Variants in FANCM observed in about 807,000 individuals in gnomAD.
The protein encoded by FANCM is FA complementation group M, also known as Fanconi anemia group M protein.
Under a neutral mutation model 199.5 loss-of-function variants are expected in FANCM, and 140 were observed. The observed-to-expected ratio is 0.70, with a 90% CI of 0.61 to 0.81. The LOEUF (loss-of-function observed/expected upper bound fraction) is 0.81, where lower values mean the gene tolerates loss of function less well. Among genes scored for constraint, FANCM ranks in the 30% least tolerant of loss-of-function variants. The probability of loss-of-function intolerance (pLI) is 0.00; values close to 1 mark genes in which losing one functional copy is unlikely to be tolerated. For missense variants in FANCM, 2,410 were observed against 2,421.4 expected (o/e 1.00, Z 0.10); for synonymous variants, 840 against 836.8 (o/e 1.00, Z -0.07).
intron 8 of FANCM, 106 bp downstream of exon 8, chr14:45,155,565 G>C: frequency 1.6e-6 from 1 of 640,658 alleles, no homozygotes; most frequent in Non-Finnish European, 2.9e-6. Context: ...CAGCACTTTG[G>C]GAGGCCGAGG....
intron 9 of FANCM, among the ~76,000 whole-genome samples, chr14:45,160,338 T>G (rs1434945483): frequency 6.7e-6 from 1 of 150,226 alleles, no homozygotes; most frequent in East Asian, 2.0e-4. Context: ...TTTTTTTAAT[T>G]TTGAAATGGA....
intron 3 of FANCM, among the ~76,000 whole-genome samples, chr14:45,144,205 A>G (rs1472357630): frequency 6.6e-6 from 1 of 152,084 alleles, no homozygotes; most frequent in African/African-American, 2.4e-5. Context: ...TCTTTTAGTT[A>G]TTTTAAAATG....
chr14:45,197,431 A>G (rs1890121284), intron 21 of FANCM, among the ~76,000 whole-genome samples: 1 of 151,394 alleles, frequency 6.6e-6, no homozygotes, highest in African/African-American at 2.4e-5. Flanking sequence ...GTGGCCTTAG[A>G]TAAGTCATTT....
At chr14:45,184,615 T>C (rs1889272739) in intron 17 of FANCM, among the ~76,000 whole-genome samples, 1 of 146,520 alleles carries the variant, frequency 6.8e-6, no homozygotes. Flanking sequence ...GAGCCAAGAT[T>C]GCGCCACTGC....
intron 2 of FANCM, among the ~76,000 whole-genome samples, chr14:45,139,265 A>G (rs910024727): frequency 1.3e-5 from 2 of 152,210 alleles, no homozygotes; most frequent in Non-Finnish European, 2.9e-5. Flanking sequence ...TTATGTCTTC[A>G]TATGCAATCT....
intron 5 of FANCM, among the ~76,000 whole-genome samples, chr14:45,152,282 G>A (rs1221420455): frequency 2.0e-5 from 3 of 151,920 alleles, no homozygotes; most frequent in Non-Finnish European, 4.4e-5. Context: ...TGCCTGTCTC[G>A]GCCTCCCAGA....
chr14:45,151,611 T>G, intron 5 of FANCM, 83 bp downstream of exon 5: 29 of 1,267,692 alleles, frequency 2.3e-5, no homozygotes, highest in Non-Finnish European at 3.1e-5. Flanking sequence ...ATATTTTGGG[T>G]ACCTATTAGC....
chr14:45,176,484 G>GAAAT lies in FANCM; in HGVS notation c.3732_3735dup (p.Leu1246AsnfsTer8), dbSNP rs1159078705. The GAAAT allele has an allele frequency of 6.2e-7, 1 of 1,608,748 alleles. No homozygotes were observed. The highest frequency in any genetic ancestry group is 1.3e-5 in the African/African-American group (1 of 74,638). ...ATTCTGTAGTCCAGATTCTGATGAT[G>GAAAT]AAATATTGGAACATACATCAGATAG... is the stretch of plus-strand genomic sequence containing the variant. On this transcript the variant is annotated frameshift_variant, in exon 14 of 23. Coordinates refer to ENST00000267430, the MANE Select transcript of FANCM (RefSeq NM_020937.4). LOFTEE classifies it high-confidence loss of function.
chr14:45,168,613 G>T (rs1398249524), intron 11 of FANCM, among the ~76,000 whole-genome samples: 1 of 149,930 alleles, frequency 6.7e-6, no homozygotes. Flanking sequence ...AAGTGTCAAA[G>T]ATTTATCTTA....
chr14:45,167,201 C>T lies in FANCM; in HGVS notation c.2002+38C>T, dbSNP rs1488057761. On this transcript the variant is annotated intron_variant, in intron 11 of 22. Coordinates refer to ENST00000267430, the MANE Select transcript of FANCM (RefSeq NM_020937.4). ...TGCATTTGACACATGCATTTTTCCC[C>T]TGTTCTTACTTAGCAGGTCGTATCT... 2.6e-6 allele frequency: 3 copies of T among 1,162,334 alleles called. No homozygotes were observed. The African/African-American group carries it at 4.5e-5, about 18-fold the overall frequency. The allele number at this position is 1,162,334 out of a possible 1,614,324, so 72.0% of individuals were successfully genotyped here.
Position 45,157,333 on chromosome 14 carries a change from A to G in FANCM, c.1397-1763A>G, listed in dbSNP as rs1459770555. Among the ~76,000 whole-genome samples, 3 of 152,184 alleles carry G rather than the reference A, an allele frequency of 2.0e-5. No individual in the cohort carries two copies. In the East Asian group the frequency reaches 5.8e-4, roughly 29 times the overall value. ...TAAAGGTAATATTTAAAGTTTCAGG[A>G]ATAGATGTGATTATCAGGACAACAG... is the stretch of plus-strand genomic sequence containing the variant. On this transcript the variant is annotated intron_variant, in intron 8 of 22. Transcript: ENST00000267430.
intron 4 of FANCM, among the ~76,000 whole-genome samples, chr14:45,149,446 C>G (rs1369679543): frequency 6.6e-6 from 1 of 152,180 alleles, no homozygotes; most frequent in Non-Finnish European, 1.5e-5. Context: ...GTTCAGCTCA[C>G]TGCAGCTTCC....
chr14:45,190,647 T>C (rs1251607187), intron 20 of FANCM, among the ~76,000 whole-genome samples: 1 of 152,122 alleles, frequency 6.6e-6, no homozygotes, highest in Non-Finnish European at 1.5e-5. Context: ...TTCATCACAC[T>C]CTGCCTTAGC....
chr14:45,136,840 C>T (rs1885551829), intron 1 of FANCM, among the ~76,000 whole-genome samples: 1 of 152,132 alleles, frequency 6.6e-6, no homozygotes, highest in Non-Finnish European at 1.5e-5. Flanking sequence ...TTCAAATATG[C>T]CATTTTGTAG....
At chr14:45,187,124 C>T (rs998410028) in intron 18 of FANCM, among the ~76,000 whole-genome samples, 2 of 151,842 alleles carry the variant, frequency 1.3e-5, no homozygotes, top group African/African-American at 4.8e-5. Flanking sequence ...GGGAAGGCTG[C>T]AGATGAAGCA....
At chr14:45,195,545 G>A (rs1313578220) in intron 20 of FANCM, 1 of 456,622 alleles carries the variant, frequency 2.2e-6, no homozygotes, top group South Asian at 1.5e-5. Flanking sequence ...GGAGCTCATG[G>A]TCCACAGGAT....
chr14:45,163,036 C>A (rs568222041), intron 9 of FANCM, among the ~76,000 whole-genome samples: 1 of 152,214 alleles, frequency 6.6e-6, no homozygotes, highest in East Asian at 1.9e-4. Flanking sequence ...AATCCTTGGA[C>A]CAGTGCAACT....
At chr14:45,139,427 A>C (rs1885753546) in intron 2 of FANCM, among the ~76,000 whole-genome samples, 1 of 152,154 alleles carries the variant, frequency 6.6e-6, no homozygotes, top group Admixed American at 6.5e-5. Flanking sequence ...TAATTTGGGA[A>C]CTATGGTATA....
At chr14:45,145,834 CG>C (rs1348999358) in intron 3 of FANCM, among the ~76,000 whole-genome samples, 2 of 151,392 alleles carry the variant, frequency 1.3e-5, no homozygotes, top group Non-Finnish European at 2.9e-5. Context: ...CCGAGGCGGG[CG>C]GATCACGAGG....
Sources: gnomAD v4.1 joint callset for allele counts (sites outside exome capture counted in the v4.1 genomes callset) on GRCh38, gnomAD v4.1.1 for gene constraint, MANE v1.5 for transcripts, NCBI Gene and HGNC (gene_info 2026-07-23, HGNC 2026-07-21) for gene names.